Variants in ERCC8 observed in about 807,000 individuals in gnomAD.
The protein encoded by ERCC8 is DNA excision repair protein ERCC-8.
ERCC8 carries 52 observed loss-of-function variants against 54.9 expected under a neutral mutation model. The observed-to-expected ratio is 0.95, with a 90% CI of 0.76 to 1.19. ERCC8 has a LOEUF of 1.19. Among genes scored for constraint, ERCC8 ranks in the 50% most tolerant of loss-of-function variants. ERCC8 has a pLI of 0.00. For missense variants in ERCC8, 514 were observed against 466.1 expected, an observed-to-expected ratio of 1.10 and a Z score of -0.95; for synonymous variants, 146 against 157.2, an observed-to-expected ratio of 0.93 and a Z score of 0.53.
intron 11 of ERCC8, among the ~76,000 whole-genome samples, chr5:60,880,688 G>T (rs1407480137): frequency 6.6e-6 from 1 of 152,160 alleles, no homozygotes; most frequent in African/African-American, 2.4e-5. Flanking sequence ...TCATCACGTA[G>T]TTCTCGTGCC....
At chr5:60,905,640 G>T (rs1324976203) in intron 4 of ERCC8, among the ~76,000 whole-genome samples, 1 of 152,218 alleles carries the variant, frequency 6.6e-6, no homozygotes, top group Non-Finnish European at 1.5e-5. Context: ...TGTCACTGCA[G>T]TGTTAAAGCA....
chr5:60,900,247 T>C (rs1042825000), intron 7 of ERCC8, among the ~76,000 whole-genome samples: 1 of 152,060 alleles, frequency 6.6e-6, no homozygotes, highest in Non-Finnish European at 1.5e-5. Flanking sequence ...AAATCAATCT[T>C]TGCCAGATAT....
chr5:60,909,274 A>AC (rs1749179790), intron 4 of ERCC8, among the ~76,000 whole-genome samples: 1 of 123,332 alleles, frequency 8.1e-6, no homozygotes, highest in Non-Finnish European at 1.7e-5. Flanking sequence ...AAAAAAAAAA[A>AC]AAAAGCCACA....
At chr5:60,918,235 A>G in intron 4 of ERCC8, 30 bp downstream of exon 4, 1 of 1,537,998 alleles carries the variant, frequency 6.5e-7, no homozygotes, top group Middle Eastern at 1.7e-4. Context: ...TATCCTACAA[A>G]GCAATCTGCA....
chr5:60,917,639 G>C (rs1209404054), intron 4 of ERCC8: 1 of 152,278 alleles, frequency 6.6e-6, no homozygotes, highest in East Asian at 1.9e-4. Context: ...AATTTAATGA[G>C]ATGTGATCAT....
chr5:60,917,971 T>C (rs1262112791), intron 4 of ERCC8: 5 of 375,670 alleles, frequency 1.3e-5, no homozygotes, highest in East Asian at 6.2e-5. Context: ...TGCTATGTAC[T>C]GTACTAGGTA....
At chr5:60,876,486 A>G (rs1292365466) in intron 11 of ERCC8, among the ~76,000 whole-genome samples, 1 of 152,232 alleles carries the variant, frequency 6.6e-6, no homozygotes, top group Middle Eastern at 3.2e-3. Context: ...ACTAGTTGAC[A>G]GTCCCACCAA....
intron 1 of ERCC8, among the ~76,000 whole-genome samples, chr5:60,929,465 G>A (rs4647061): frequency 0.063 from 9,650 of 152,056 alleles, 1,010 homozygotes; most frequent in African/African-American, 0.22. Context: ...TGGGCATGGT[G>A]GTGGGCTCCT....
intron 10 of ERCC8, 30 bp from the exon 11 acceptor site, chr5:60,887,550 T>C (rs375290208): frequency 1.2e-4 from 185 of 1,486,760 alleles, no homozygotes; most frequent in Non-Finnish European, 1.7e-4. Flanking sequence ...GATGATACTG[T>C]GGATCAAGAG....
intron 9 of ERCC8, chr5:60,892,251 C>A: frequency 1.8e-6 from 1 of 550,652 alleles, no homozygotes; most frequent in South Asian, 1.4e-5. Flanking sequence ...GTAGCTTTAT[C>A]TTCAATGGCA....
intron 4 of ERCC8, among the ~76,000 whole-genome samples, chr5:60,916,746 A>C: frequency 6.6e-6 from 1 of 151,954 alleles, no homozygotes; most frequent in Non-Finnish European, 1.5e-5. Context: ...TATACACAAC[A>C]CTGTTTTGTT....
chr5:60,899,657 T>C lies in ERCC8; in HGVS notation c.688A>G (p.Asn230Asp), dbSNP rs1368198273. The C allele has an allele frequency of 1.9e-6, 3 of 1,612,072 alleles. No individual in the cohort carries two copies. Among genetic ancestry groups the C allele is most frequent in the East Asian group, 2.2e-5 (1 of 44,778 alleles). Residue 230 changes from asparagine to aspartate, a missense_variant, in exon 8 of 12, where the codon AAT becomes GAT. Coordinates refer to ENST00000676185, the MANE Select transcript of ERCC8 (RefSeq NM_000082.4). ...SGCLITLDQHNGKKSQAVESA... is the reference protein window; with the variant it reads ...SGCLITLDQHDGKKSQAVESA... ...TCAACAGCTTGTGACTTTTTCCCAT[T>C]ATGTTGATCAAGAGTAATCAAACAT...
chr5:60,944,284 CGGACAAGTGTAATCACAACAGTTACCTAA>C (rs1217357224), intron 1 of ERCC8, among the ~76,000 whole-genome samples: 2 of 152,160 alleles, frequency 1.3e-5, no homozygotes, highest in Non-Finnish European at 2.9e-5. Context: ...AACTCTCTCC[CGGACAAGTGTAATCACAACAGTTACCTAA>C]CTTGGCTCCC....
In ERCC8 at chr5:60,874,330, G is replaced by A. The variant is rs1051859073; in HGVS notation, c.*285C>T. 1.8e-5 allele frequency: 6 copies of A among 331,636 alleles called. No homozygotes were observed. The highest frequency in any genetic ancestry group is 1.1e-4 in the African/African-American group (5 of 46,294). 20.5% of individuals were successfully genotyped at this position (331,636 alleles called of 1,614,324 possible). A position where few individuals can be genotyped will look rare whatever the true frequency, so the allele number is the denominator to read the frequency against. ...CATCTTATAGTTCATAAAATCTGCTGAAGGTCACAACTGAGGTACAACGAC... is the reference window on the plus strand; with the variant it reads ...CATCTTATAGTTCATAAAATCTGCTAAAGGTCACAACTGAGGTACAACGAC... On this transcript the variant is annotated 3_prime_UTR_variant, in exon 12 of 12. Transcript: ENST00000676185.
Position 60,922,079 on chromosome 5 carries a change from A to G in ERCC8, c.250T>C (p.Cys84Arg), listed in dbSNP as rs146740678. ...ENSSRQSYYT[C>R]KAVCSIGRDH... ...CTGCCAATGGAACACACTGCTTTACATGTGTAATAAGATTGTCTGCTGGAG... is the reference window on the plus strand; with the variant it reads ...CTGCCAATGGAACACACTGCTTTACGTGTGTAATAAGATTGTCTGCTGGAG... The change falls in exon 3 of 12, where the codon TGT becomes CGT. Residue 84 changes from cysteine to arginine, a missense_variant. Transcript: ENST00000676185. 298 of 1,608,166 alleles carry G rather than the reference A, an allele frequency of 1.9e-4. No homozygotes were observed. Among genetic ancestry groups the G allele is most frequent in the Non-Finnish European group, 2.5e-4 (292 of 1,175,538 alleles).
chr5:60,887,029 T>TG (rs1410805300), intron 11 of ERCC8, among the ~76,000 whole-genome samples: 1 of 152,200 alleles, frequency 6.6e-6, no homozygotes, highest in Non-Finnish European at 1.5e-5. Flanking sequence ...CCAAGTTGAA[T>TG]GTCCAACCAT....
intron 11 of ERCC8, among the ~76,000 whole-genome samples, chr5:60,878,797 T>G (rs895987209): frequency 5.9e-5 from 9 of 152,228 alleles, no homozygotes; most frequent in African/African-American, 1.7e-4. Flanking sequence ...CTATCAATTT[T>G]GTTGATCTTT....
In ERCC8 at chr5:60,872,693, G is replaced by A. The variant is rs1401771725; in HGVS notation, c.*1922C>T. ...TTCTTGCATTATTGTGAAGAAAAAGGAATTCTTGCATATTCTTGGTAGGAA... is the reference window on the plus strand; with the variant it reads ...TTCTTGCATTATTGTGAAGAAAAAGAAATTCTTGCATATTCTTGGTAGGAA... On this transcript the variant is annotated 3_prime_UTR_variant, in exon 12 of 12. Transcript: ENST00000676185. Among the ~76,000 whole-genome samples, 2 of 152,208 alleles carry A rather than the reference G, an allele frequency of 1.3e-5. No individual in the cohort carries two copies. Among genetic ancestry groups the A allele is most frequent in the African/African-American group, 4.8e-5 (2 of 41,454 alleles).
chr5:60,918,161 A>G (rs1297300984), intron 4 of ERCC8, 104 bp downstream of exon 4: 4 of 921,690 alleles, frequency 4.3e-6, no homozygotes, highest in Admixed American at 3.6e-5. Context: ...CTGCTTTCAC[A>G]TCTAACATAT....
Sources: allele counts gnomAD v4.1 joint callset (sites outside exome capture counted in the v4.1 genomes callset), GRCh38; gene constraint gnomAD v4.1.1; transcripts MANE v1.5; gene names NCBI Gene and HGNC (gene_info 2026-07-23, HGNC 2026-07-21).